The following ANKRD6 variants were observed in gnomAD, a reference collection of about 807,000 sequenced individuals.
ANKRD6 encodes the protein ankyrin repeat domain 6, also known as ankyrin repeat domain-containing protein 6.
A neutral mutation model predicts 82.3 loss-of-function variants in ANKRD6; 56 were observed. The observed-to-expected ratio is 0.68, with a 90% CI of 0.55 to 0.85. ANKRD6 has a LOEUF of 0.85. Ranked by LOEUF, ANKRD6 falls within the 40% of genes least tolerant of loss-of-function variation. The pLI is 0.00. For synonymous variants in ANKRD6, 347 were observed against 352.1 expected (o/e 0.99, Z 0.16); for missense variants, 852 against 907.6 (o/e 0.94, Z 0.79).
intron 1 of ANKRD6, among the ~76,000 whole-genome samples, chr6:89,442,145 G>A (rs1266202717): frequency 2.6e-5 from 4 of 151,934 alleles, no homozygotes; most frequent in East Asian, 1.9e-4. Flanking sequence ...ACACGCATGC[G>A]CTCCCACACC....
At chr6:89,502,913 T>C (rs898940553) in intron 1 of ANKRD6, among the ~76,000 whole-genome samples, 1 of 151,928 alleles carries the variant, frequency 6.6e-6, no homozygotes, top group African/African-American at 2.4e-5. Flanking sequence ...TCTAACAGGA[T>C]TTCCCCCATC....
chr6:89,449,761 G>GT (rs944776296), intron 1 of ANKRD6, among the ~76,000 whole-genome samples: 1 of 152,046 alleles, frequency 6.6e-6, no homozygotes, highest in Non-Finnish European at 1.5e-5. Flanking sequence ...CCCCTCTTCA[G>GT]TTGCATATGT....
intron 2 of ANKRD6, among the ~76,000 whole-genome samples, chr6:89,576,739 A>G (rs770967040): frequency 6.6e-6 from 1 of 151,888 alleles, no homozygotes; most frequent in Non-Finnish European, 1.5e-5. Context: ...TTTCCTCCCC[A>G]AGGTGCCTTC....
At chr6:89,505,325 A>T (rs1247223741) in intron 1 of ANKRD6, among the ~76,000 whole-genome samples, 3 of 152,242 alleles carry the variant, frequency 2.0e-5, no homozygotes, top group Admixed American at 6.5e-5. Context: ...CTTAAAAGAT[A>T]CAGGATTTCT....
chr6:89,516,334 C>A (rs973401829), intron 1 of ANKRD6, among the ~76,000 whole-genome samples: 49 of 152,174 alleles, frequency 3.2e-4, no homozygotes, highest in Non-Finnish European at 6.6e-4. Flanking sequence ...ATCTTCTGCC[C>A]TTCAACTAAG....
In ANKRD6 at chr6:89,631,668, G is replaced by C. The variant is rs904222325; in HGVS notation, c.*664G>C. On this transcript the variant is annotated 3_prime_UTR_variant, in exon 16 of 16. Coordinates refer to ENST00000339746, the MANE Select transcript of ANKRD6 (RefSeq NM_001242809.2). Reference sequence around the variant, plus strand: ...TGGCTAACAGCTCTGGAAACAATGAGATCAAATGAGAAAGATTCAAATTGT... The same window carrying C: ...TGGCTAACAGCTCTGGAAACAATGACATCAAATGAGAAAGATTCAAATTGT... 2.6e-5 allele frequency: 4 copies of C among 152,100 alleles called. No individual in the cohort carries two copies. Among genetic ancestry groups the C allele is most frequent in the African/African-American group, 9.7e-5 (4 of 41,404 alleles). The allele number at this position is 152,100 out of a possible 1,614,324, so 9.4% of individuals were successfully genotyped here. A position where few individuals can be genotyped will look rare whatever the true frequency, so the allele number is the denominator to read the frequency against.
chr6:89,626,539 T>C (rs896836678), intron 13 of ANKRD6, among the ~76,000 whole-genome samples: 4 of 152,168 alleles, frequency 2.6e-5, no homozygotes, highest in African/African-American at 4.8e-5. Flanking sequence ...AAACATGGAC[T>C]GAAGAGAAAA....
At chr6:89,486,014 T>C (rs558312595) in intron 1 of ANKRD6, among the ~76,000 whole-genome samples, 24 of 152,332 alleles carry the variant, frequency 1.6e-4, no homozygotes, top group South Asian at 6.2e-4. Flanking sequence ...AAGAAAAATA[T>C]CAGTAATAAC....
intron 1 of ANKRD6, among the ~76,000 whole-genome samples, chr6:89,496,088 C>A (rs2127861558): frequency 6.6e-6 from 1 of 152,190 alleles, no homozygotes; most frequent in Admixed American, 6.5e-5. Flanking sequence ...AAGCCTGTCT[C>A]CCATCTACAA....
chr6:89,616,340 T>C, intron 7 of ANKRD6: 1 of 562,100 alleles, frequency 1.8e-6, no homozygotes, highest in East Asian at 3.0e-5. Flanking sequence ...TGATTTCAGG[T>C]ATCCTCACTC....
At chr6:89,496,148 T>C (rs1016940918) in intron 1 of ANKRD6, among the ~76,000 whole-genome samples, 4 of 150,890 alleles carry the variant, frequency 2.7e-5, no homozygotes, top group African/African-American at 9.8e-5. Context: ...ACACTGACAA[T>C]GGGGATTAGC....
intron 2 of ANKRD6, among the ~76,000 whole-genome samples, chr6:89,579,237 G>A (rs867936977): frequency 1.4e-4 from 21 of 152,304 alleles, no homozygotes; most frequent in Middle Eastern, 6.8e-3. Context: ...TTAAATAATA[G>A]TAGCTACCTC....
intron 1 of ANKRD6, among the ~76,000 whole-genome samples, chr6:89,465,001 C>T (rs541973166): frequency 6.6e-6 from 1 of 152,296 alleles, no homozygotes; most frequent in African/African-American, 2.4e-5. Context: ...CTATCAGCTT[C>T]CCAGTTTGCC....
At chr6:89,450,625 C>A (rs1230655582) in intron 1 of ANKRD6, among the ~76,000 whole-genome samples, 1 of 152,044 alleles carries the variant, frequency 6.6e-6, no homozygotes, top group African/African-American at 2.4e-5. Flanking sequence ...TAAAACAATC[C>A]TCCTGCTTCA....
chr6:89,439,342 CA>C (rs894220148), intron 1 of ANKRD6, among the ~76,000 whole-genome samples: 8 of 147,534 alleles, frequency 5.4e-5, no homozygotes, highest in Admixed American at 2.7e-4. Flanking sequence ...ATTCCCCCTT[CA>C]AAAAAAAAAG....
intron 1 of ANKRD6, among the ~76,000 whole-genome samples, chr6:89,555,099 T>TC (rs1252799064): frequency 2.2e-5 from 2 of 91,930 alleles, no homozygotes; most frequent in Admixed American, 1.6e-4. Flanking sequence ...CCCCCCTCTC[T>TC]CCCCCCTCCC....
At chr6:89,518,190 G>A (rs934773360) in intron 1 of ANKRD6, among the ~76,000 whole-genome samples, 3 of 151,960 alleles carry the variant, frequency 2.0e-5, no homozygotes, top group African/African-American at 7.2e-5. Flanking sequence ...ATCACCTGAG[G>A]TCCAGAGTTC....
intron 1 of ANKRD6, among the ~76,000 whole-genome samples, chr6:89,551,859 C>T (rs532101160): frequency 3.8e-4 from 58 of 152,308 alleles, no homozygotes; most frequent in African/African-American, 1.3e-3. Context: ...GTTTAAAACT[C>T]TCAGGAATAA....
At chr6:89,557,975 T>G (rs545096402) in intron 1 of ANKRD6, among the ~76,000 whole-genome samples, 1 of 152,236 alleles carries the variant, frequency 6.6e-6, no homozygotes, top group African/African-American at 2.4e-5. Flanking sequence ...TATGGTGAGT[T>G]GTATAATTAT....
Sources: gnomAD v4.1 joint callset for allele counts (sites outside exome capture counted in the v4.1 genomes callset) on GRCh38, gnomAD v4.1.1 for gene constraint, MANE v1.5 for transcripts, NCBI Gene and HGNC (gene_info 2026-07-23, HGNC 2026-07-21) for gene names.